RAD52: variants seen among roughly 807,000 people sequenced by gnomAD.
The protein encoded by RAD52 is RAD52 DNA repair protein.
RAD52 carries 47 observed loss-of-function variants against 55.5 expected under a neutral mutation model. That is an observed-to-expected ratio of 0.85 (90% CI 0.67 to 1.08). The LOEUF is 1.08. Among genes scored for constraint, RAD52 ranks in the 50% least tolerant of loss-of-function variants. The pLI is 0.00. For synonymous variants in RAD52, 184 were observed against 198.9 expected (o/e 0.92, Z 0.63); for missense variants, 468 against 522.8 (o/e 0.90, Z 1.02).
At position 931,329 on chromosome 12, in the gene RAD52, C is replaced by T. The variant is rs372255385; in HGVS notation, c.85-8G>A. ...TTCTGCTGTGTACTGGCACTGCAAC[C>T]CCAAAAAAGAAAATTAAATTCACAC... On this transcript the variant is annotated splice_region_variant and splice_polypyrimidine_tract_variant and intron_variant, in intron 2 of 11. Coordinates refer to ENST00000358495, the MANE Select transcript of RAD52 (RefSeq NM_134424.4). 2.4e-5 allele frequency: 38 copies of T among 1,558,526 alleles called. No homozygotes were observed. Among genetic ancestry groups the T allele is most frequent in the Non-Finnish European group, 3.1e-5 (36 of 1,154,002 alleles).
chr12:942,338 C>A (rs1162141547), intron 1 of RAD52, among the ~76,000 whole-genome samples: 2 of 152,120 alleles, frequency 1.3e-5, no homozygotes, highest in Non-Finnish European at 2.9e-5. Flanking sequence ...GCATTTTCAA[C>A]AAATGGTGCT....
chr12:989,200 GCT>G (rs1959133738), intron 1 of RAD52, among the ~76,000 whole-genome samples: 1 of 152,042 alleles, frequency 6.6e-6, no homozygotes, highest in Non-Finnish European at 1.5e-5. Flanking sequence ...TCTCACTCTT[GCT>G]CTGTCTGGTA....
At chr12:973,222 A>C (rs1958890398) in intron 1 of RAD52, among the ~76,000 whole-genome samples, 1 of 151,894 alleles carries the variant, frequency 6.6e-6, no homozygotes, top group South Asian at 2.1e-4. Context: ...GGCGCCCGCC[A>C]CCACACCCGG....
In RAD52 at chr12:965,891, G is replaced by A. The variant is rs188007060; in HGVS notation, c.-19+23918C>T. ...TAGTAGAGACAGGGTTTCGCCTGTT[G>A]GCCAGGCTGATCTCGAACTGCTGAC... On this transcript the variant is annotated intron_variant, in intron 1 of 11. Coordinates refer to the RAD52 transcript ENST00000430095. 3.7e-3 allele frequency among the ~76,000 whole-genome samples: 560 copies of A among 152,044 alleles called. 2 individuals carry two copies. Among genetic ancestry groups the A allele is most frequent in the South Asian group, 9.1e-3 (44 of 4,824 alleles).
intron 1 of RAD52, among the ~76,000 whole-genome samples, chr12:937,680 C>G (rs1329845573): frequency 1.3e-5 from 2 of 152,168 alleles, no homozygotes; most frequent in South Asian, 2.1e-4. Context: ...CCTGCCTCAT[C>G]CTCCCAAAGT....
chr12:939,416 C>T (rs1017122158), intron 1 of RAD52, among the ~76,000 whole-genome samples: 1 of 152,114 alleles, frequency 6.6e-6, no homozygotes, highest in Non-Finnish European at 1.5e-5. Context: ...TCCCAAAGCA[C>T]TGGGATTACA....
intron 1 of RAD52, chr12:975,458 T>C (rs769897123): frequency 1.3e-5 from 2 of 152,204 alleles, no homozygotes; most frequent in African/African-American, 2.4e-5. Context: ...TAAAATGCTT[T>C]AAGAGATATT....
rs1401411600 is a variant in RAD52 at position 973,779 on chromosome 12, C to CTTTTTTTTTT, written c.-19+16029_-19+16030insAAAAAAAAAA. 1.0e-4 allele frequency among the ~76,000 whole-genome samples: 14 copies of CTTTTTTTTTT among 136,852 alleles called. 1 individual carries two copies. The highest frequency in any genetic ancestry group is 2.7e-4 in the African/African-American group (9 of 33,170). The allele number at this position is 136,852 out of a possible 152,430, so 89.8% of individuals were successfully genotyped here. A position where few individuals can be genotyped will look rare whatever the true frequency, so the allele number is the denominator to read the frequency against. On this transcript the variant is annotated intron_variant, in intron 1 of 11. Transcript: ENST00000430095. ...CAGGCATGAGCCACCACGCCCAGTC[C>CTTTTTTTTTT]TTCTTTTTTTTTTTTTTTTTTTTTT...
At position 929,855 on chromosome 12, in the gene RAD52, G is replaced by A. The variant is rs756028591; in HGVS notation, c.312C>T (p.Tyr104=). The A allele has an allele frequency of 7.4e-6, 12 of 1,613,862 alleles. No homozygotes were observed. The East Asian group carries it at 8.9e-5, about 12-fold the overall frequency. ...DFVDLNNGKF[Y]VGVCAFVRVQ... ...CCCTCACAAATGCACAGACTCCCAC[G>A]TAGAACTTGCCATTGTTGAGGTCAA... The change falls in exon 5 of 12, where the codon TAC becomes TAT. Residue 104 remains tyrosine, a synonymous_variant. Transcript: ENST00000358495.
At chr12:966,695 C>T (rs1394281928) in intron 1 of RAD52, among the ~76,000 whole-genome samples, 3 of 151,828 alleles carry the variant, frequency 2.0e-5, no homozygotes, top group Non-Finnish European at 4.4e-5. Flanking sequence ...CACTTACAAT[C>T]GGCTAAGTGC....
intron 9 of RAD52, 84 bp downstream of exon 9, chr12:916,260 G>C (rs1565646836): frequency 3.2e-6 from 5 of 1,566,318 alleles, no homozygotes; most frequent in Non-Finnish European, 4.3e-6. Context: ...CCGGCCCAGG[G>C]TTACCGCAGA....
In RAD52 at chr12:930,388, A is replaced by AT. The variant is rs961060582; in HGVS notation, c.187-245dup. 3.3e-5 allele frequency among the ~76,000 whole-genome samples: 5 copies of AT among 151,620 alleles called. No individual in the cohort carries two copies. In the South Asian group the frequency reaches 6.3e-4, roughly 19 times the overall value. ...AGTGAGAACCAGTCTGTTAAAAAAA[A>AT]TTTTTTTTTCAAGAAAATTCTCAAT... On this transcript the variant is annotated intron_variant, in intron 3 of 11. Transcript: ENST00000358495.
chr12:972,950 T>A (rs921945290), intron 1 of RAD52, among the ~76,000 whole-genome samples: 2 of 152,042 alleles, frequency 1.3e-5, no homozygotes, highest in Admixed American at 6.6e-5. Flanking sequence ...AGAATTTGGA[T>A]TTTACTCCGA....
intron 1 of RAD52, among the ~76,000 whole-genome samples, chr12:983,720 G>A (rs1250915808): frequency 2.6e-5 from 4 of 152,020 alleles, no homozygotes; most frequent in Admixed American, 1.3e-4. Flanking sequence ...GCACGCGGCC[G>A]GCTGCATCTT....
Position 932,958 on chromosome 12 carries a change from G to C in RAD52, c.84+17C>G. 6.2e-7 allele frequency: 1 copy of C among 1,613,096 alleles called. No homozygotes were observed. The highest frequency in any genetic ancestry group is 1.1e-5 in the South Asian group (1 of 90,976). On this transcript the variant is annotated intron_variant, in intron 2 of 11. Transcript: ENST00000358495. ...ACTTCACCTCATTCTTTCCCGGCAT[G>C]AAGGAACCACAGTTACCTGTCCAAA...
chr12:953,498 T>C (rs1283822968), upstream of RAD52, among the ~76,000 whole-genome samples: 4 of 152,132 alleles, frequency 2.6e-5, no homozygotes, highest in African/African-American at 9.7e-5. Flanking sequence ...ATAAAGTGTA[T>C]GTCTACGACC....
chr12:934,320 G>A (rs1274506687), intron 1 of RAD52, among the ~76,000 whole-genome samples: 21 of 151,620 alleles, frequency 1.4e-4, no homozygotes, highest in African/African-American at 2.4e-4. Flanking sequence ...AAAATTAGCC[G>A]GGTGTGGTAG....
chr12:954,588 C>A (rs569230925), upstream of RAD52, among the ~76,000 whole-genome samples: 2 of 152,166 alleles, frequency 1.3e-5, no homozygotes, highest in African/African-American at 2.4e-5. Flanking sequence ...GAGCTGAGAT[C>A]GTGCTGCTGC....
upstream of RAD52, among the ~76,000 whole-genome samples, chr12:949,921 C>T (rs1386166065): frequency 1.3e-5 from 2 of 152,200 alleles, no homozygotes; most frequent in East Asian, 1.9e-4. Flanking sequence ...CTGCCTCCTA[C>T]TTCCCGCCAG....
Sources: allele counts gnomAD v4.1 joint callset (sites outside exome capture counted in the v4.1 genomes callset), GRCh38; gene constraint gnomAD v4.1.1; transcripts MANE v1.5; gene names NCBI Gene and HGNC (gene_info 2026-07-23, HGNC 2026-07-21).